The following CSMD2 variants were observed in gnomAD, a reference collection of about 807,000 sequenced individuals.
CSMD2 encodes the protein CUB and Sushi multiple domains 2.
A neutral mutation model predicts 398.5 loss-of-function variants in CSMD2; 130 were observed. That is an observed-to-expected ratio of 0.33 (90% confidence interval 0.28 to 0.38). CSMD2 has a LOEUF of 0.38. Among genes scored for constraint, CSMD2 ranks in the 10% least tolerant of loss-of-function variants. CSMD2 has a pLI of 1.00. For synonymous variants in CSMD2, 1,828 were observed against 1,908.5 expected, an observed-to-expected ratio of 0.96 and a Z score of 1.10; for missense variants, 3,829 against 4,764.9, an observed-to-expected ratio of 0.80 and a Z score of 5.78.
chr1:33,555,559 A>G (rs1657879677), intron 55 of CSMD2, among the ~76,000 whole-genome samples: 1 of 152,212 alleles, frequency 6.6e-6, no homozygotes, highest in Non-Finnish European at 1.5e-5. Flanking sequence ...ACCTTTCATG[A>G]AAGGAAGAGT....
chr1:33,687,715 C>T (rs1332303088), intron 25 of CSMD2, among the ~76,000 whole-genome samples: 1 of 151,848 alleles, frequency 6.6e-6, no homozygotes, highest in Non-Finnish European at 1.5e-5. Context: ...TAAAAAAAGG[C>T]ACAATGCAGT....
At chr1:33,972,858 C>T (rs948224342) in intron 3 of CSMD2, among the ~76,000 whole-genome samples, 18 of 152,166 alleles carry the variant, frequency 1.2e-4, no homozygotes, top group African/African-American at 1.9e-4. Flanking sequence ...CCTGCACGAG[C>T]GCAACTGACT....
At chr1:33,871,270 AGAG>A (rs1253517774) in intron 5 of CSMD2, among the ~76,000 whole-genome samples, 2 of 152,258 alleles carry the variant, frequency 1.3e-5, no homozygotes, top group African/African-American at 4.8e-5. Context: ...GGCAGTGGGC[AGAG>A]GTGAGAAGTA....
intron 10 of CSMD2, among the ~76,000 whole-genome samples, chr1:33,801,146 C>T (rs564323929): frequency 2.0e-5 from 3 of 152,254 alleles, no homozygotes; most frequent in African/African-American, 4.8e-5. Flanking sequence ...GTTCATATAA[C>T]GAGCTTTCCT....
At chr1:33,807,524 A>G (rs1162110656) in intron 10 of CSMD2, among the ~76,000 whole-genome samples, 1 of 152,212 alleles carries the variant, frequency 6.6e-6, no homozygotes, top group African/African-American at 2.4e-5. Flanking sequence ...ATATACAAGA[A>G]GGAGTGGTAA....
At position 33,918,174 on chromosome 1, in the gene CSMD2, G is replaced by C. The variant is rs1315247399; in HGVS notation, c.840C>G (p.Ile280Met). ...WTILAELGDT[I>M]ALVFIDFQLE... ...GCTGGAAGTCAATAAACACCAGGGC[G>C]ATGGTGTCCCCCAGCTCAGCCAGGA... The change falls in exon 5 of 71, where the codon ATC becomes ATG. Residue 280 changes from isoleucine (I) to methionine (M), a missense_variant. Coordinates refer to ENST00000373381, the MANE Select transcript of CSMD2 (RefSeq NM_001281956.2). The C allele has an allele frequency of 6.2e-7, 1 of 1,614,144 alleles. No individual in the cohort carries two copies.
chr1:33,590,806 T>C (rs371966947), intron 44 of CSMD2, among the ~76,000 whole-genome samples: 1 of 151,904 alleles, frequency 6.6e-6, no homozygotes, highest in African/African-American at 2.4e-5. Context: ...CAGATTCTGG[T>C]GTGTGTGAAC....
intron 42 of CSMD2, among the ~76,000 whole-genome samples, chr1:33,604,337 A>G (rs1054516567): frequency 6.6e-6 from 1 of 152,244 alleles, no homozygotes; most frequent in Non-Finnish European, 1.5e-5. Context: ...TTTAGAAATC[A>G]TGGTTTTACA....
At chr1:33,700,885 C>G (rs1223051825) in intron 22 of CSMD2, among the ~76,000 whole-genome samples, 3 of 152,194 alleles carry the variant, frequency 2.0e-5, no homozygotes, top group African/African-American at 7.2e-5. Context: ...CTATGCTCAG[C>G]CCATCTTTAG....
intron 4 of CSMD2, 68 bp from the exon 5 acceptor site, chr1:33,918,369 C>T: frequency 7.9e-7 from 1 of 1,264,550 alleles, no homozygotes; most frequent in Non-Finnish European, 1.1e-6. Flanking sequence ...TCACCATGGG[C>T]TATACCTGCA....
At chr1:33,605,518 A>G (rs757307757) in intron 41 of CSMD2, 48 bp from the exon 42 acceptor site, 1 of 1,583,426 alleles carries the variant, frequency 6.3e-7, no homozygotes, top group Non-Finnish European at 8.7e-7. Context: ...CTGACCAGAA[A>G]ATAGGAGCGG....
intron 2 of CSMD2, among the ~76,000 whole-genome samples, chr1:34,066,318 T>C (rs1319592198): frequency 6.6e-6 from 1 of 151,854 alleles, no homozygotes; most frequent in Non-Finnish European, 1.5e-5. Flanking sequence ...TGCAGTTGAT[T>C]CATCCCACCC....
intron 1 of CSMD2, among the ~76,000 whole-genome samples, chr1:34,124,576 AT>A (rs1662546233): frequency 6.6e-6 from 1 of 152,042 alleles, no homozygotes; most frequent in South Asian, 2.1e-4. Context: ...TTGTCTTCTC[AT>A]TGGCTTGCTC....
At chr1:34,049,786 A>G (rs947680878) in intron 2 of CSMD2, among the ~76,000 whole-genome samples, 2 of 152,102 alleles carry the variant, frequency 1.3e-5, no homozygotes, top group Admixed American at 1.3e-4. Flanking sequence ...AATTACCACT[A>G]CCTGGATGGC....
In CSMD2 at chr1:33,624,549, CT is replaced by C; in HGVS notation, c.5594del (p.Lys1865ArgfsTer18). On this transcript the variant is annotated frameshift_variant, in exon 35 of 71. Transcript: ENST00000373381. LOFTEE classifies it high-confidence loss of function. This position sits in a 1 kb window ranked among gnomAD's most constrained non-coding sequence, Gnocchi z 4.7. ...PYLNSLNCVWKIVVPEGAGIQ... is the reference protein window; with the variant it reads ...PYLNSLNCVWXIVVPEGAGIQ... ...TGCCAGCGCCTTCGGGGACCACGAT[CT>C]TCCACACACAGTTGAGGCTGTTGAG... 1 of 1,613,976 alleles carries C rather than the reference CT, an allele frequency of 6.2e-7. No individual in the cohort carries two copies. Among genetic ancestry groups the C allele is most frequent in the Non-Finnish European group, 8.5e-7 (1 of 1,179,926 alleles).
intron 36 of CSMD2, 41 bp downstream of exon 36, chr1:33,623,329 G>T: frequency 7.7e-7 from 1 of 1,291,768 alleles, no homozygotes; most frequent in Non-Finnish European, 1.1e-6. Context: ...ATGAGCTCTA[G>T]TACTACCCTC....
chr1:33,830,526 A>G (rs1174389451), intron 6 of CSMD2, among the ~76,000 whole-genome samples: 1 of 152,148 alleles, frequency 6.6e-6, no homozygotes, highest in African/African-American at 2.4e-5. Context: ...ACCATCATCA[A>G]AGACCAAAAG....
intron 3 of CSMD2, among the ~76,000 whole-genome samples, chr1:34,010,609 TTTTTTTTTC>T (rs1014657120): frequency 9.9e-5 from 15 of 151,172 alleles, no homozygotes; most frequent in African/African-American, 2.7e-4. Context: ...CTCTCTTGAT[TTTTTTTTTC>T]TTTTTTTTCT....
At chr1:33,881,557 G>T (rs1641242556) in intron 5 of CSMD2, among the ~76,000 whole-genome samples, 1 of 152,088 alleles carries the variant, frequency 6.6e-6, no homozygotes. Context: ...AAGGTGCAAG[G>T]GAGGGAATGG....
Sources: allele counts gnomAD v4.1 joint callset (sites outside exome capture counted in the v4.1 genomes callset), GRCh38; gene constraint gnomAD v4.1.1; non-coding constraint Gnocchi (gnomAD v3.1); transcripts MANE v1.5; gene names NCBI Gene and HGNC (gene_info 2026-07-23, HGNC 2026-07-21).